The following MRE11 variants were observed in gnomAD, a reference collection of about 807,000 sequenced individuals.
MRE11 encodes the protein double-strand break repair protein MRE11.
A neutral mutation model predicts 91.7 loss-of-function variants in MRE11; 62 were observed. The ratio of observed to expected loss-of-function variants is 0.68; its 90% CI spans 0.55 to 0.84. The LOEUF (loss-of-function observed/expected upper bound fraction) is 0.84, where lower values mean the gene tolerates loss of function less well. MRE11 is among the 40% of genes least tolerant of loss of function. The pLI is 0.00. For synonymous variants in MRE11, 273 were observed against 271.4 expected (o/e 1.01, Z -0.06); for missense variants, 796 against 852.9 (o/e 0.93, Z 0.83).
At chr11:94,437,272 C>G in intron 16 of MRE11, 37 bp from the exon 17 acceptor site, 1 of 1,588,230 alleles carries the variant, frequency 6.3e-7, no homozygotes, top group East Asian at 2.2e-5. Flanking sequence ...TTATGTTATT[C>G]TTAAAATAAC....
intron 4 of MRE11, among the ~76,000 whole-genome samples, chr11:94,480,760 A>G (rs1428381043): frequency 6.6e-6 from 1 of 152,220 alleles, no homozygotes; most frequent in Non-Finnish European, 1.5e-5. Flanking sequence ...TCTTAAATCT[A>G]TGCTAGCAGT....
At chr11:94,473,512 A>G (rs1410204720) in intron 7 of MRE11, 1 of 152,122 alleles carries the variant, frequency 6.6e-6, no homozygotes, top group African/African-American at 2.4e-5. Flanking sequence ...AATGGGAAAT[A>G]AGGCAAAATG....
chr11:94,422,442 T>C lies in MRE11; in HGVS notation c.2071-2261A>G, dbSNP rs550903372. 2.0e-5 allele frequency among the ~76,000 whole-genome samples: 3 copies of C among 152,158 alleles called. No homozygotes were observed. The South Asian group carries it at 6.2e-4, about 32-fold the overall frequency. On this transcript the variant is annotated intron_variant, in intron 19 of 19. Coordinates refer to ENST00000323929, the MANE Select transcript of MRE11 (RefSeq NM_005591.4). ...CTCTACATGACACATGTAGAGCATA[T>C]AGTGAGTACTTAATAAATATTCATT...
In MRE11 at chr11:94,445,821, G is replaced by A. The variant is rs1945911421; in HGVS notation, c.1856C>T (p.Ser619Phe). The stretch of plus-strand genomic sequence containing the variant: ...CAGTCTATACTCACCATCTATAATA[G>A]ACATATTTCTAGATGCTGACACAGC... ...KTAVSASRNM[S>F]IIDAFKSTRQ... Residue 619 changes from serine (S) to phenylalanine (F), a missense_variant, in exon 16 of 20, where the codon TCT becomes TTT. Physicochemically the swap from Ser to Phe is radical, Grantham distance 155 (BLOSUM62 -2). Coordinates refer to ENST00000323929, the MANE Select transcript of MRE11 (RefSeq NM_005591.4). The A allele has an allele frequency of 1.2e-6, 2 of 1,608,332 alleles. No homozygotes were observed. Among genetic ancestry groups the A allele is most frequent in the East Asian group, 2.2e-5 (1 of 44,838 alleles).
At chr11:94,466,378 C>T (rs1173525967) in intron 10 of MRE11, 14 of 436,662 alleles carry the variant, frequency 3.2e-5, no homozygotes, top group South Asian at 1.6e-4. Flanking sequence ...AGCAATAGGC[C>T]AGGAAGTATT....
chr11:94,450,310 G>A lies in MRE11; in HGVS notation c.1564-2872C>T, dbSNP rs111628013. On this transcript the variant is annotated intron_variant, in intron 14 of 19. Coordinates refer to ENST00000323929, the MANE Select transcript of MRE11 (RefSeq NM_005591.4). Reference sequence around the variant, plus strand: ...TTCTGTGCTGGAAGTGATTTTATACGACATAACTACCACAAATAAAAGGAA... The same window carrying A: ...TTCTGTGCTGGAAGTGATTTTATACAACATAACTACCACAAATAAAAGGAA... Among the ~76,000 whole-genome samples, 1,194 of 152,110 alleles carry A rather than the reference G, an allele frequency of 7.8e-3. 17 individuals carry two copies. The highest frequency in any genetic ancestry group is 0.028 in the African/African-American group (1,142 of 41,488).
intron 14 of MRE11, 121 bp downstream of exon 14, chr11:94,456,155 G>T: frequency 1.1e-6 from 1 of 869,718 alleles, no homozygotes. Flanking sequence ...GCCATCCTAA[G>T]CCAACCCCAG....
chr11:94,452,801 C>T lies in MRE11; in HGVS notation c.1563+3475G>A, dbSNP rs527978334. Among the ~76,000 whole-genome samples the T allele has an allele frequency of 1.1e-4, 17 of 152,258 alleles. No individual in the cohort carries two copies. The East Asian group carries it at 3.1e-3, about 28-fold the overall frequency. On this transcript the variant is annotated intron_variant, in intron 14 of 19. Transcript: ENST00000323929. ...TTGTGAGATTTGAAAACATACTATC[C>T]TACTGTTAAACACTTTTTTTTTGTG...
intron 11 of MRE11, among the ~76,000 whole-genome samples, 200 bp from the exon 12 acceptor site, chr11:94,461,236 T>C (rs1946405884): frequency 6.6e-6 from 1 of 152,206 alleles, no homozygotes; most frequent in Non-Finnish European, 1.5e-5. Context: ...TTCTCGTTCA[T>C]ACCTCCAGGA....
intron 16 of MRE11, among the ~76,000 whole-genome samples, chr11:94,439,949 C>T (rs1945729891): frequency 1.3e-5 from 2 of 152,210 alleles, no homozygotes; most frequent in South Asian, 4.1e-4. Flanking sequence ...TAACAAGCAT[C>T]TACTATGTTA....
chr11:94,503,297 C>T, the MRE11 span, among the ~76,000 whole-genome samples: 2 of 152,148 alleles, frequency 1.3e-5, no homozygotes, highest in Admixed American at 6.6e-5. Flanking sequence ...CTATTTTAGA[C>T]ACCTCATGTA....
At chr11:94,432,250 C>A (rs1945479792) in intron 18 of MRE11, among the ~76,000 whole-genome samples, 1 of 152,318 alleles carries the variant, frequency 6.6e-6, no homozygotes, top group Non-Finnish European at 1.5e-5. Context: ...GACATATAAA[C>A]TGATTTGCAT....
At chr11:94,500,555 T>C in the MRE11 span, among the ~76,000 whole-genome samples, 3 of 152,224 alleles carry the variant, frequency 2.0e-5, no homozygotes, top group African/African-American at 7.2e-5. Flanking sequence ...GGAAAGTCTA[T>C]ACAAAGACTT....
chr11:94,502,018 A>G, the MRE11 span, among the ~76,000 whole-genome samples: 1 of 152,158 alleles, frequency 6.6e-6, no homozygotes, highest in Non-Finnish European at 1.5e-5. Flanking sequence ...AAGTTCTTAT[A>G]TATATATAAG....
At chr11:94,501,944 A>G in the MRE11 span, among the ~76,000 whole-genome samples, 1 of 152,180 alleles carries the variant, frequency 6.6e-6, no homozygotes, top group Admixed American at 6.5e-5. Flanking sequence ...TTAAAAAGCT[A>G]TGTGTTTATC....
intron 9 of MRE11, among the ~76,000 whole-genome samples, chr11:94,469,137 C>G (rs1019127884): frequency 6.6e-6 from 1 of 152,136 alleles, no homozygotes; most frequent in Non-Finnish European, 1.5e-5. Flanking sequence ...ACCTCTATTA[C>G]TTTGTGTCAC....
At chr11:94,423,317 C>T (rs1290102255) in intron 19 of MRE11, among the ~76,000 whole-genome samples, 1 of 152,132 alleles carries the variant, frequency 6.6e-6, no homozygotes, top group Non-Finnish European at 1.5e-5. Flanking sequence ...CACTATGGAC[C>T]TCAGAGATCC....
chr11:94,471,898 G>C, intron 7 of MRE11, 139 bp from the exon 8 acceptor site: 1 of 714,748 alleles, frequency 1.4e-6, no homozygotes, highest in Non-Finnish European at 2.3e-6. Flanking sequence ...GCACAGGATT[G>C]GGAATGTAAA....
At chr11:94,426,851 A>G (rs1005307845) in intron 19 of MRE11, among the ~76,000 whole-genome samples, 2 of 152,168 alleles carry the variant, frequency 1.3e-5, no homozygotes, top group Non-Finnish European at 2.9e-5. Flanking sequence ...AGATTGAACC[A>G]GGAAGAAAGT....
Sources: allele counts gnomAD v4.1 joint callset (sites outside exome capture counted in the v4.1 genomes callset), GRCh38; gene constraint gnomAD v4.1.1; transcripts MANE v1.5; gene names NCBI Gene and HGNC (gene_info 2026-07-23, HGNC 2026-07-21).